Variants in SYT1 observed in about 807,000 individuals in gnomAD.
SYT1 encodes synaptotagmin-1.
A neutral mutation model predicts 44.8 loss-of-function variants in SYT1; 8 were observed. The observed-to-expected ratio is 0.18, with a 90% CI of 0.10 to 0.32. The LOEUF (loss-of-function observed/expected upper bound fraction) is 0.32, where lower values mean the gene tolerates loss of function less well. Among genes scored for constraint, SYT1 ranks in the 10% least tolerant of loss-of-function variants. SYT1 has a pLI of 1.00. For synonymous variants in SYT1, 154 were observed against 188.8 expected (o/e 0.82, Z 1.51); for missense variants, 286 against 509.3 (o/e 0.56, Z 4.22).
At chr12:79,163,163 A>G (rs1871050797) in intron 3 of SYT1, among the ~76,000 whole-genome samples, 1 of 152,122 alleles carries the variant, frequency 6.6e-6, no homozygotes, top group East Asian at 1.9e-4. Flanking sequence ...TACTGCACAC[A>G]GGGTGTCATT....
intron 3 of SYT1, among the ~76,000 whole-genome samples, chr12:79,162,716 A>T (rs1037952977): frequency 6.6e-6 from 1 of 152,118 alleles, no homozygotes; most frequent in Admixed American, 6.6e-5. Flanking sequence ...TTAACTGCCG[A>T]GGTAAATCTT....
chr12:79,207,558 C>A (rs143599715), intron 3 of SYT1, among the ~76,000 whole-genome samples: 2 of 152,212 alleles, frequency 1.3e-5, no homozygotes, highest in East Asian at 3.9e-4. Context: ...TTGTTCCCCT[C>A]CCTGTGTCCA....
rs190197212 is a variant in SYT1, at chr12:79,119,532, C to G, written c.-18+72170C>G. Among the ~76,000 whole-genome samples the G allele has an allele frequency of 5.6e-4, 85 of 151,998 alleles. 1 individual carries two copies. Among genetic ancestry groups the G allele is most frequent in the Admixed American group, 2.6e-3 (39 of 15,264 alleles). ...AGCTGAGAAGGTCCTTCTTATCTAC[C>G]CTTTCACTTTTTCTATCTAACTCCT... On this transcript the variant is annotated intron_variant, in intron 3 of 10. Transcript: ENST00000261205.
chr12:78,939,653 G>A (rs539314243), intron 1 of SYT1, among the ~76,000 whole-genome samples: 2 of 152,288 alleles, frequency 1.3e-5, no homozygotes, highest in East Asian at 3.9e-4. Flanking sequence ...AGTTGTATGA[G>A]AGAAACTGGG....
chr12:78,907,101 T>C (rs1876032405), intron 1 of SYT1, among the ~76,000 whole-genome samples: 1 of 152,100 alleles, frequency 6.6e-6, no homozygotes, highest in Admixed American at 6.6e-5. Flanking sequence ...GGGTTTGTGG[T>C]AGGTGCTTCA....
intron 9 of SYT1, among the ~76,000 whole-genome samples, chr12:79,415,557 T>A (rs940228365): frequency 1.3e-5 from 2 of 152,190 alleles, no homozygotes; most frequent in Non-Finnish European, 2.9e-5. Context: ...AGCACATAAA[T>A]AGCTGCCTAC....
chr12:78,928,000 C>T lies in SYT1; in HGVS notation c.-216-49799C>T, dbSNP rs1259679228. Among the ~76,000 whole-genome samples the T allele has an allele frequency of 2.0e-5, 3 of 152,096 alleles. 1 individual carries two copies. Among genetic ancestry groups the T allele is most frequent in the African/African-American group, 7.2e-5 (3 of 41,420 alleles). On this transcript the variant is annotated intron_variant, in intron 1 of 10. Coordinates refer to ENST00000261205, the MANE Select transcript of SYT1 (RefSeq NM_005639.3). ...TCTTCTGCTGGGATTTGAAAGTATA[C>T]ACTTGAACTTGAAATAAATAATAGT...
intron 4 of SYT1, among the ~76,000 whole-genome samples, chr12:79,274,219 C>T (rs918052180): frequency 2.6e-5 from 4 of 152,234 alleles, no homozygotes; most frequent in African/African-American, 9.6e-5. Context: ...GAGCTGGACA[C>T]CTCTGCTTTG....
chr12:79,278,525 G>A (rs1157099124), intron 4 of SYT1, among the ~76,000 whole-genome samples: 1 of 152,040 alleles, frequency 6.6e-6, no homozygotes, highest in South Asian at 2.1e-4. Flanking sequence ...AGAGCTAAGA[G>A]GGAAGTTTAC....
chr12:79,084,237 G>T (rs1877229756), intron 3 of SYT1, among the ~76,000 whole-genome samples: 1 of 152,014 alleles, frequency 6.6e-6, no homozygotes, highest in Non-Finnish European at 1.5e-5. Context: ...ACTATGCCTA[G>T]AATAAATATT....
chr12:79,159,645 G>C (rs61927310), intron 3 of SYT1, among the ~76,000 whole-genome samples: 11,286 of 152,152 alleles, frequency 0.074, 517 homozygotes, highest in African/African-American at 0.12. Flanking sequence ...CTAGGGTTCA[G>C]TACTATCTAA....
intron 3 of SYT1, among the ~76,000 whole-genome samples, chr12:79,178,509 G>T (rs972222646): frequency 2.0e-5 from 3 of 151,996 alleles, no homozygotes; most frequent in Middle Eastern, 3.4e-3. Context: ...GCCTGTTCCA[G>T]ACATTTGTTT....
intron 9 of SYT1, among the ~76,000 whole-genome samples, chr12:79,403,498 C>A (rs1441865134): frequency 6.6e-6 from 1 of 152,116 alleles, no homozygotes; most frequent in Non-Finnish European, 1.5e-5. Context: ...CACCTAGTGA[C>A]CTCATTGTAA....
chr12:79,210,057 A>G (rs1023228250), intron 3 of SYT1, among the ~76,000 whole-genome samples: 1 of 152,182 alleles, frequency 6.6e-6, no homozygotes, highest in African/African-American at 2.4e-5. Flanking sequence ...TCATGATGCT[A>G]TTGCAGTATA....
intron 2 of SYT1, among the ~76,000 whole-genome samples, chr12:79,023,737 C>A (rs1872338676): frequency 6.6e-6 from 1 of 151,810 alleles, no homozygotes; most frequent in Admixed American, 6.6e-5. Context: ...CTTTACCAAG[C>A]TTCATCAATT....
intron 1 of SYT1, among the ~76,000 whole-genome samples, chr12:78,886,748 A>G (rs931572248): frequency 1.3e-5 from 2 of 152,022 alleles, no homozygotes; most frequent in African/African-American, 4.8e-5. Flanking sequence ...AAAGACCCAC[A>G]AAATGCTTTT....
chr12:79,431,422 G>T (rs897965071), intron 9 of SYT1, among the ~76,000 whole-genome samples: 1 of 151,916 alleles, frequency 6.6e-6, no homozygotes, highest in Non-Finnish European at 1.5e-5. Flanking sequence ...CTTCATAAAA[G>T]TCTGTGGAAT....
intron 9 of SYT1, among the ~76,000 whole-genome samples, chr12:79,371,928 G>T (rs1282268241): frequency 6.6e-6 from 1 of 152,086 alleles, no homozygotes; most frequent in African/African-American, 2.4e-5. Flanking sequence ...ACCCATCTTT[G>T]TTCTTCTTTA....
chr12:79,253,272 C>A (rs1433220302), intron 4 of SYT1, among the ~76,000 whole-genome samples: 1 of 152,110 alleles, frequency 6.6e-6, no homozygotes, highest in South Asian at 2.1e-4. Flanking sequence ...TTCCCCAAAG[C>A]TACGCTCACT....
Sources: gnomAD v4.1 joint callset for allele counts (sites outside exome capture counted in the v4.1 genomes callset) on GRCh38, gnomAD v4.1.1 for gene constraint, MANE v1.5 for transcripts, NCBI Gene and HGNC (gene_info 2026-07-23, HGNC 2026-07-21) for gene names.